Variants in TP63 observed in about 807,000 individuals in gnomAD.
The protein encoded by TP63 is tumor protein 63.
A neutral mutation model predicts 82.8 loss-of-function variants in TP63; 17 were observed. The ratio of observed to expected loss-of-function variants is 0.21; its 90% confidence interval spans 0.14 to 0.31. The LOEUF (loss-of-function observed/expected upper bound fraction) is 0.31. TP63 is among the 10% of genes least tolerant of loss of function. TP63 has a pLI of 1.00. For synonymous variants in TP63, 330 were observed against 321.7 expected (o/e 1.03, Z -0.28); for missense variants, 648 against 895.3 (o/e 0.72, Z 3.52).
chr3:189,725,886 T>C (rs1719740284), intron 1 of TP63, among the ~76,000 whole-genome samples: 1 of 152,118 alleles, frequency 6.6e-6, no homozygotes, highest in Non-Finnish European at 1.5e-5. Context: ...AAACCCCATC[T>C]CTACTAAAAA....
intron 1 of TP63, among the ~76,000 whole-genome samples, chr3:189,654,926 G>A (rs1713203599): frequency 6.6e-6 from 1 of 152,098 alleles, no homozygotes; most frequent in African/African-American, 2.4e-5. Flanking sequence ...CCAAATTTTA[G>A]GTTTTGCATT....
intron 4 of TP63, among the ~76,000 whole-genome samples, chr3:189,819,348 G>A (rs1230893096): frequency 1.3e-5 from 2 of 151,896 alleles, no homozygotes; most frequent in African/African-American, 4.8e-5. Flanking sequence ...CAATGTGCAG[G>A]TTTGTTACAT....
intron 1 of TP63, among the ~76,000 whole-genome samples, chr3:189,650,968 T>G (rs1712839297): frequency 6.8e-6 from 1 of 147,124 alleles, no homozygotes; most frequent in Non-Finnish European, 1.5e-5. Context: ...TTGAATGGCT[T>G]TGACCAAAAT....
At chr3:189,619,063 C>CA in the TP63 span, among the ~76,000 whole-genome samples, 1 of 152,094 alleles carries the variant, frequency 6.6e-6, no homozygotes. Flanking sequence ...CAAGTACCTG[C>CA]AAAAATCAAT....
At chr3:189,881,179 C>T in intron 10 of TP63, 1 of 980,148 alleles carries the variant, frequency 1.0e-6, no homozygotes, top group African/African-American at 1.8e-5. Context: ...AGCCAGGAGA[C>T]TTACGTTTTG....
intron 1 of TP63, among the ~76,000 whole-genome samples, chr3:189,653,928 A>T (rs910674816): frequency 5.9e-5 from 9 of 152,134 alleles, no homozygotes; most frequent in Admixed American, 3.9e-4. Flanking sequence ...AAGCATCTTG[A>T]GTGTTTCATG....
intron 3 of TP63, among the ~76,000 whole-genome samples, chr3:189,746,420 T>C (rs938439648): frequency 1.3e-5 from 2 of 151,770 alleles, no homozygotes; most frequent in Non-Finnish European, 2.9e-5. Context: ...AAGAGAATCC[T>C]ATACCCCAGA....
intron 12 of TP63, 86 bp from the exon 13 acceptor site, chr3:189,890,703 A>G: frequency 1.6e-6 from 2 of 1,280,232 alleles, no homozygotes; most frequent in Non-Finnish European, 2.2e-6. Context: ...GGCAAAATAT[A>G]TTGGGTTTTC....
intron 3 of TP63, among the ~76,000 whole-genome samples, chr3:189,805,144 A>T (rs903793208): frequency 6.6e-6 from 1 of 152,202 alleles, no homozygotes; most frequent in African/African-American, 2.4e-5. Flanking sequence ...CAGTCTTTCT[A>T]TCATTCCAAA....
intron 3 of TP63, among the ~76,000 whole-genome samples, chr3:189,788,591 G>A (rs899678370): frequency 6.6e-6 from 1 of 151,746 alleles, no homozygotes; most frequent in Non-Finnish European, 1.5e-5. Flanking sequence ...GGGGGTGGGG[G>A]TGTAGGATGA....
At chr3:189,702,912 A>T (rs1717918335) in intron 1 of TP63, among the ~76,000 whole-genome samples, 2 of 152,236 alleles carry the variant, frequency 1.3e-5, no homozygotes, top group Non-Finnish European at 2.9e-5. Context: ...CATTAACAAC[A>T]GGTTTTAGGC....
rs552874543 is a variant in TP63, at chr3:189,852,399, A to G, written c.580-11833A>G. Among the ~76,000 whole-genome samples, 3 of 152,356 alleles carry G rather than the reference A, an allele frequency of 2.0e-5. No individual in the cohort carries two copies. In the East Asian group the frequency reaches 5.8e-4, roughly 29 times the overall value. ...GCTCTGTGTTAAAATTAACTCATTC[A>G]TTCTGCTTTGATTTTAGAAAACAGA... On this transcript the variant is annotated intron_variant, in intron 4 of 13. Transcript: ENST00000264731.
the TP63 span, among the ~76,000 whole-genome samples, chr3:189,610,022 A>G: frequency 2.6e-5 from 4 of 152,110 alleles, no homozygotes; most frequent in Non-Finnish European, 5.9e-5. Context: ...CCCTTTTCTC[A>G]GCAATCTCAC....
At chr3:189,827,274 G>A (rs190241635) in intron 4 of TP63, among the ~76,000 whole-genome samples, 2 of 152,256 alleles carry the variant, frequency 1.3e-5, no homozygotes, top group East Asian at 3.9e-4. Flanking sequence ...ACCTCTGTCT[G>A]CCATGCAGAC....
intron 10 of TP63, among the ~76,000 whole-genome samples, chr3:189,878,184 A>G (rs768959124): frequency 6.6e-6 from 1 of 152,170 alleles, no homozygotes; most frequent in Non-Finnish European, 1.5e-5. Context: ...AGTATTATCA[A>G]TGTAGAAAAG....
At chr3:189,847,919 T>G (rs1348079185) in intron 4 of TP63, among the ~76,000 whole-genome samples, 2 of 152,208 alleles carry the variant, frequency 1.3e-5, no homozygotes, top group Non-Finnish European at 2.9e-5. Flanking sequence ...CCTCTGAGCT[T>G]TACACTTGAT....
Position 189,797,238 on chromosome 3 carries a change from C to T in TP63, c.325-11034C>T, listed in dbSNP as rs114907963. Among the ~76,000 whole-genome samples, 860 of 152,100 alleles carry T rather than the reference C, an allele frequency of 5.7e-3. 8 individuals carry two copies. Among genetic ancestry groups the T allele is most frequent in the African/African-American group, 0.02 (824 of 41,522 alleles). On this transcript the variant is annotated intron_variant, in intron 3 of 13. Coordinates refer to ENST00000264731, the MANE Select transcript of TP63 (RefSeq NM_003722.5). ...CAGAGGCGGAAATTTATGAAACACTCTTGTCAGCTATGCTGGAAACACTAC... is the reference window on the plus strand; with the variant it reads ...CAGAGGCGGAAATTTATGAAACACTTTTGTCAGCTATGCTGGAAACACTAC...
At chr3:189,734,862 C>CATT (rs970173938) in intron 1 of TP63, among the ~76,000 whole-genome samples, 3 of 152,116 alleles carry the variant, frequency 2.0e-5, no homozygotes, top group African/African-American at 7.2e-5. Context: ...CTTACCATGC[C>CATT]ATTCCCTTTC....
chr3:189,630,957 TC>T (rs1281946186), upstream of TP63, among the ~76,000 whole-genome samples: 1 of 151,856 alleles, frequency 6.6e-6, no homozygotes, highest in Admixed American at 6.6e-5. Flanking sequence ...AAACAAAACT[TC>T]CCTAAGCAGC....
Sources: allele counts gnomAD v4.1 joint callset (sites outside exome capture counted in the v4.1 genomes callset), GRCh38; gene constraint gnomAD v4.1.1; transcripts MANE v1.5; gene names NCBI Gene and HGNC (gene_info 2026-07-23, HGNC 2026-07-21).